Variants in UBR3 observed in about 807,000 individuals in gnomAD.
UBR3 encodes ubiquitin protein ligase E3 component n-recognin 3, also known as E3 ubiquitin-protein ligase UBR3.
In UBR3, 85 loss-of-function variants were observed where a neutral mutation model predicts 243.2. The observed-to-expected ratio is 0.35, with a 90% CI of 0.29 to 0.42. The LOEUF (loss-of-function observed/expected upper bound fraction) is 0.42, where lower values mean the gene tolerates loss of function less well. Among genes scored for constraint, UBR3 ranks in the 10% least tolerant of loss-of-function variants. UBR3 has a pLI of 1.00. For missense variants in UBR3, 1,686 were observed against 2,300.8 expected (o/e 0.73, Z 5.47); for synonymous variants, 748 against 799.8 (o/e 0.94, Z 1.09).
At chr2:169,891,030 G>A (rs757674547) in intron 5 of UBR3, 135 bp from the exon 6 acceptor site, 25 of 453,768 alleles carry the variant, frequency 5.5e-5, no homozygotes, top group South Asian at 1.9e-4. Flanking sequence ...ATATATTATA[G>A]CAAATACATA....
chr2:169,843,662 C>T (rs992428084), intron 1 of UBR3, among the ~76,000 whole-genome samples: 2 of 152,154 alleles, frequency 1.3e-5, no homozygotes, highest in Non-Finnish European at 2.9e-5. Flanking sequence ...GATATATTAT[C>T]CTTTTATAGA....
chr2:169,873,050 T>A (rs1041111874), intron 2 of UBR3, among the ~76,000 whole-genome samples: 9 of 152,078 alleles, frequency 5.9e-5, no homozygotes, highest in Non-Finnish European at 1.3e-4. Context: ...TGAATCAAAT[T>A]TATTAACTTT....
At chr2:169,920,963 A>C (rs2085674377) in intron 11 of UBR3, among the ~76,000 whole-genome samples, 1 of 152,322 alleles carries the variant, frequency 6.6e-6, no homozygotes, top group East Asian at 1.9e-4. Context: ...GTTATCACTA[A>C]AATCTAGGCA....
intron 5 of UBR3, among the ~76,000 whole-genome samples, chr2:169,880,260 C>A (rs2105315745): frequency 6.6e-6 from 1 of 152,272 alleles, no homozygotes; most frequent in Non-Finnish European, 1.5e-5. Context: ...AAATAAACAT[C>A]TTGACTTGAT....
At chr2:169,861,450 T>C (rs551644137) in intron 1 of UBR3, among the ~76,000 whole-genome samples, 4 of 151,812 alleles carry the variant, frequency 2.6e-5, no homozygotes, top group African/African-American at 9.7e-5. Flanking sequence ...TCTACTAAAA[T>C]TACAAAAATT....
chr2:169,856,862 A>C (rs1040674103), intron 1 of UBR3, among the ~76,000 whole-genome samples: 1 of 151,796 alleles, frequency 6.6e-6, no homozygotes, highest in Admixed American at 6.6e-5. Context: ...GGAGCTATCC[A>C]TTACTTTACT....
At chr2:169,945,559 C>G (rs1300092686) in intron 20 of UBR3, among the ~76,000 whole-genome samples, 1 of 152,212 alleles carries the variant, frequency 6.6e-6, no homozygotes, top group Non-Finnish European at 1.5e-5. Context: ...CTGCTGCCTA[C>G]AGAATTTCTT....
intron 19 of UBR3, among the ~76,000 whole-genome samples, chr2:169,939,177 C>G (rs557662210): frequency 6.6e-6 from 1 of 151,674 alleles, no homozygotes; most frequent in African/African-American, 2.4e-5. Context: ...ACTATGTTTT[C>G]TAAGAACCAA....
chr2:170,022,137 TC>T (rs1230359944), intron 30 of UBR3, among the ~76,000 whole-genome samples: 2 of 152,188 alleles, frequency 1.3e-5, no homozygotes, highest in Non-Finnish European at 2.9e-5. Flanking sequence ...AATTGTCCTC[TC>T]CCTGTCTCTT....
At chr2:169,858,289 T>C (rs1343079828) in intron 1 of UBR3, among the ~76,000 whole-genome samples, 6 of 152,220 alleles carry the variant, frequency 3.9e-5, no homozygotes, top group Non-Finnish European at 5.9e-5. Context: ...CCATGTGGGC[T>C]TATCATAAGC....
chr2:169,836,143 G>A (rs1329672285), intron 1 of UBR3, among the ~76,000 whole-genome samples: 2 of 135,198 alleles, frequency 1.5e-5, no homozygotes, highest in Non-Finnish European at 3.1e-5. Context: ...GAGTGCAATG[G>A]TGCGATCTCG....
chr2:169,887,816 G>A (rs1574127155), intron 5 of UBR3, among the ~76,000 whole-genome samples: 1 of 144,514 alleles, frequency 6.9e-6, no homozygotes, highest in South Asian at 2.2e-4. Flanking sequence ...TGCTCTTGTT[G>A]CCCAGGCTGG....
At chr2:169,967,602 G>A (rs1009189237) in intron 24 of UBR3, among the ~76,000 whole-genome samples, 7 of 152,016 alleles carry the variant, frequency 4.6e-5, no homozygotes, top group Non-Finnish European at 8.8e-5. Flanking sequence ...TTATCAGAAA[G>A]GACAATAGCT....
intron 24 of UBR3, among the ~76,000 whole-genome samples, chr2:169,960,889 G>A (rs1017769): frequency 0.097 from 14,788 of 152,022 alleles, 882 homozygotes; most frequent in African/African-American, 0.16. Flanking sequence ...TACATCGACT[G>A]TTTTTGAGTC....
intron 30 of UBR3, among the ~76,000 whole-genome samples, chr2:170,025,561 A>G (rs576334091): frequency 6.6e-6 from 1 of 152,330 alleles, no homozygotes; most frequent in South Asian, 2.1e-4. Flanking sequence ...AGGGCTTTCT[A>G]TGCCTGTTCC....
chr2:170,081,846 C>G lies in UBR3; in HGVS notation c.*3C>G. Reference sequence around the variant, plus strand: ...GTCCACATTACAATGGGCTGTGACTCTCCACCTCAGCATTGCATCGTATCA... The same window carrying G: ...GTCCACATTACAATGGGCTGTGACTGTCCACCTCAGCATTGCATCGTATCA... On this transcript the variant is annotated 3_prime_UTR_variant, in exon 39 of 39. Coordinates refer to ENST00000272793, the MANE Select transcript of UBR3 (RefSeq NM_172070.4). The G allele has an allele frequency of 6.4e-7, 1 of 1,554,070 alleles. No individual in the cohort carries two copies. Among genetic ancestry groups the G allele is most frequent in the Non-Finnish European group, 8.8e-7 (1 of 1,141,890 alleles).
At chr2:170,032,118 T>C (rs1399416801) in intron 31 of UBR3, among the ~76,000 whole-genome samples, 4 of 152,116 alleles carry the variant, frequency 2.6e-5, no homozygotes, top group Non-Finnish European at 5.9e-5. Flanking sequence ...GAAAAAAAAG[T>C]GAAATTCTTT....
At chr2:169,885,985 C>T (rs959048330) in intron 5 of UBR3, among the ~76,000 whole-genome samples, 5 of 151,996 alleles carry the variant, frequency 3.3e-5, no homozygotes, top group African/African-American at 9.6e-5. Context: ...GGTGAAACCC[C>T]GTCTCTACTA....
chr2:170,073,252 T>A (rs898905377), intron 35 of UBR3, among the ~76,000 whole-genome samples, 176 bp from the exon 36 acceptor site: 1 of 152,214 alleles, frequency 6.6e-6, no homozygotes, highest in Non-Finnish European at 1.5e-5. Context: ...TATTTAGATA[T>A]AACAGCTAGG....
Sources: gnomAD v4.1 joint callset for allele counts (sites outside exome capture counted in the v4.1 genomes callset) on GRCh38, gnomAD v4.1.1 for gene constraint, MANE v1.5 for transcripts, NCBI Gene and HGNC (gene_info 2026-07-23, HGNC 2026-07-21) for gene names.